The following EIF2A variants were observed in gnomAD, a reference collection of about 807,000 sequenced individuals.
EIF2A encodes the protein eukaryotic translation initiation factor 2A.
In EIF2A, 62 loss-of-function variants were observed where a neutral mutation model predicts 75.2. The observed-to-expected ratio is 0.82, with a 90% confidence interval of 0.67 to 1.02. EIF2A has a LOEUF of 1.02. EIF2A is among the 50% of genes least tolerant of loss of function. The probability of loss-of-function intolerance (pLI) is 0.00; values close to 1 mark genes in which losing one functional copy is unlikely to be tolerated. For missense variants in EIF2A, 611 were observed against 677.7 expected (o/e 0.90, Z 1.09); for synonymous variants, 207 against 239.0 (o/e 0.87, Z 1.23).
At chr3:150,569,090 A>G (rs1174769409) in intron 9 of EIF2A, among the ~76,000 whole-genome samples, 3 of 152,228 alleles carry the variant, frequency 2.0e-5, no homozygotes, top group Non-Finnish European at 2.9e-5. Context: ...AGTCAGAGAA[A>G]AAACAAGGAT....
chr3:150,549,810 A>C (rs2107897630), intron 1 of EIF2A, among the ~76,000 whole-genome samples: 1 of 152,280 alleles, frequency 6.6e-6, no homozygotes, highest in East Asian at 1.9e-4. Flanking sequence ...ATAAAACAGC[A>C]ATGTCCATTA....
At position 150,584,484 on chromosome 3, in the gene EIF2A, G is replaced by A. The variant is rs1456827172; in HGVS notation, c.*573G>A. 1.3e-5 allele frequency among the ~76,000 whole-genome samples: 2 copies of A among 152,258 alleles called. No homozygotes were observed. Among genetic ancestry groups the A allele is most frequent in the Middle Eastern group, 3.4e-3 (1 of 294 alleles). On this transcript the variant is annotated 3_prime_UTR_variant, in exon 14 of 14. Transcript: ENST00000460851. ...ATATATACTACTCCTGTATCCTCAAGTAATGTATCATTTAGTAACACTAAG... is the reference window on the plus strand; with the variant it reads ...ATATATACTACTCCTGTATCCTCAAATAATGTATCATTTAGTAACACTAAG...
At chr3:150,575,949 C>T (rs1206550277) in intron 11 of EIF2A, among the ~76,000 whole-genome samples, 187 bp downstream of exon 11, 2 of 151,980 alleles carry the variant, frequency 1.3e-5, no homozygotes, top group African/African-American at 2.4e-5. Flanking sequence ...ATTAGTTGGC[C>T]ATGGCTTATA....
At chr3:150,557,436 T>C in intron 2 of EIF2A, 1 of 160,702 alleles carries the variant, frequency 6.2e-6, no homozygotes, top group Non-Finnish European at 1.4e-5. Context: ...TGGTGGAGTC[T>C]CACTCTTTCG....
At chr3:150,555,649 G>A (rs939880341) in intron 2 of EIF2A, among the ~76,000 whole-genome samples, 1 of 151,688 alleles carries the variant, frequency 6.6e-6, no homozygotes, top group Non-Finnish European at 1.5e-5. Flanking sequence ...AGCGCTTTGG[G>A]AGGCCAAGGT....
chr3:150,551,045 C>T (rs1723289507), intron 1 of EIF2A, among the ~76,000 whole-genome samples: 1 of 152,190 alleles, frequency 6.6e-6, no homozygotes. Flanking sequence ...TTTTTCTTTC[C>T]ATGGGGTTTT....
At position 150,567,901 on chromosome 3, in the gene EIF2A, G is replaced by A. The variant is rs968995003; in HGVS notation, c.550-1G>A. ...TAATGATTTATGTCTATGTATCTTA[G>A]GTGGCTGTCTATGTTCCAGGAAGTA... On this transcript the variant is annotated splice_acceptor_variant, in intron 7 of 13. Coordinates refer to ENST00000460851, the MANE Select transcript of EIF2A (RefSeq NM_032025.5). LOFTEE classifies it high-confidence loss of function. 6.2e-7 allele frequency: 1 copy of A among 1,601,482 alleles called. No individual in the cohort carries two copies. The highest frequency in any genetic ancestry group is 8.5e-7 in the Non-Finnish European group (1 of 1,176,636).
In EIF2A at chr3:150,572,363, C is replaced by G. The variant is rs202244462; in HGVS notation, c.1217C>G (p.Ala406Gly). ...CACAAGTATGATGTGCCATCAAATG[C>G]AGAATTATGGCAGGTTTCTTGGCAG... ...ILHKYDVPSNAELWQVSWQPF... is the reference protein window; with the variant it reads ...ILHKYDVPSNGELWQVSWQPF... Residue 406 changes from alanine to glycine, a missense_variant, in exon 10 of 14, where the codon GCA becomes GGA. Ala to Gly is a moderately conservative substitution (Grantham distance 60). Coordinates refer to ENST00000460851, the MANE Select transcript of EIF2A (RefSeq NM_032025.5). 7.2e-5 allele frequency: 117 copies of G among 1,613,926 alleles called. No individual in the cohort carries two copies. The African/African-American group carries it at 1.4e-3, about 20-fold the overall frequency.
chr3:150,577,683 A>G (rs1419129291), intron 11 of EIF2A, among the ~76,000 whole-genome samples: 4 of 151,888 alleles, frequency 2.6e-5, no homozygotes, highest in Non-Finnish European at 5.9e-5. Context: ...AGCCTCCCAA[A>G]GTGCTTGGAT....
chr3:150,555,578 G>A (rs1723517872), intron 2 of EIF2A, among the ~76,000 whole-genome samples: 1 of 149,988 alleles, frequency 6.7e-6, no homozygotes, highest in Non-Finnish European at 1.5e-5. Flanking sequence ...ATTAATGTTT[G>A]AGAAGCACTA....
At position 150,564,291 on chromosome 3, in the gene EIF2A, T is replaced by C; in HGVS notation, c.393-8T>C. 6.5e-7 allele frequency: 1 copy of C among 1,543,834 alleles called. No individual in the cohort carries two copies. The highest frequency in any genetic ancestry group is 1.3e-5 in the South Asian group (1 of 78,950). Reference sequence around the variant, plus strand: ...TTTTTATACTTTTTTTTTTTTTCATTGACATAGGTGTCCATCCTGGTCAGA... The same window carrying C: ...TTTTTATACTTTTTTTTTTTTTCATCGACATAGGTGTCCATCCTGGTCAGA... On this transcript the variant is annotated splice_polypyrimidine_tract_variant and splice_region_variant and intron_variant, in intron 5 of 13. Transcript: ENST00000460851.
Position 150,584,447 on chromosome 3 carries a change from T to G in EIF2A, c.*536T>G, listed in dbSNP as rs1421503666. Among the ~76,000 whole-genome samples, 1 of 152,210 alleles carries G rather than the reference T, an allele frequency of 6.6e-6. No individual in the cohort carries two copies. Among genetic ancestry groups the G allele is most frequent in the East Asian group, 1.9e-4 (1 of 5,200 alleles). Reference sequence around the variant, plus strand: ...CCATCTAATCCCAGAGCCTATGCTTTAGGTCACTATGATATATACTACTCC... The same window carrying G: ...CCATCTAATCCCAGAGCCTATGCTTGAGGTCACTATGATATATACTACTCC... On this transcript the variant is annotated 3_prime_UTR_variant, in exon 14 of 14. Transcript: ENST00000460851.
At chr3:150,557,619 G>A (rs1168263454) in intron 2 of EIF2A, 3 of 307,012 alleles carry the variant, frequency 9.8e-6, no homozygotes, top group Non-Finnish European at 1.3e-5. Flanking sequence ...AGCTGGTCTC[G>A]AACTCCCAAC....
At chr3:150,550,929 A>G (rs1208251182) in intron 1 of EIF2A, among the ~76,000 whole-genome samples, 1 of 151,468 alleles carries the variant, frequency 6.6e-6, no homozygotes, top group Admixed American at 6.6e-5. Flanking sequence ...AAGTACTGGG[A>G]TTACAGGTGT....
At chr3:150,580,620 A>G (rs1191106395) in intron 11 of EIF2A, among the ~76,000 whole-genome samples, 1 of 152,168 alleles carries the variant, frequency 6.6e-6, no homozygotes, top group Non-Finnish European at 1.5e-5. Context: ...ATAGCAAATC[A>G]GCATACAATA....
At chr3:150,568,481 T>C (rs960289468) in intron 9 of EIF2A, among the ~76,000 whole-genome samples, 189 bp downstream of exon 9, 4 of 152,230 alleles carry the variant, frequency 2.6e-5, no homozygotes, top group Admixed American at 6.5e-5. Context: ...TTTGGCAGAA[T>C]ACAATTAGTT....
intron 10 of EIF2A, among the ~76,000 whole-genome samples, chr3:150,573,960 A>G (rs1724698552): frequency 6.6e-6 from 1 of 152,160 alleles, no homozygotes; most frequent in Non-Finnish European, 1.5e-5. Context: ...CTGTAATCTC[A>G]GCACTTTGGG....
Position 150,546,822 on chromosome 3 carries a change from T to C in EIF2A, c.20T>C (p.Leu7Pro), listed in dbSNP as rs1422373138. 1 of 1,612,472 alleles carries C rather than the reference T, an allele frequency of 6.2e-7. No individual in the cohort carries two copies. Among genetic ancestry groups the C allele is most frequent in the East Asian group, 2.2e-5 (1 of 44,892 alleles). MAPSTP[L>P]LTVRGSEGLY... ...GACAACATGGCGCCGTCCACGCCGC[T>C]CTTGACAGGTGAGTTCTGAAGAAGC... Residue 7 changes from leucine to proline, a missense_variant, in exon 1 of 14, where the codon CTC (leucine) becomes CCC (proline). Physicochemically the swap from Leu to Pro is moderately conservative, Grantham distance 98 (BLOSUM62 -3). Transcript: ENST00000460851.
intron 4 of EIF2A, 62 bp downstream of exon 4, chr3:150,562,722 A>G: frequency 5.7e-6 from 7 of 1,235,514 alleles, no homozygotes; most frequent in Non-Finnish European, 8.1e-6. Flanking sequence ...TGGGGGGGAA[A>G]AAGTTATAAA....
Sources: allele counts gnomAD v4.1 joint callset (sites outside exome capture counted in the v4.1 genomes callset), GRCh38; gene constraint gnomAD v4.1.1; transcripts MANE v1.5; gene names NCBI Gene and HGNC (gene_info 2026-07-23, HGNC 2026-07-21).